The following DCC variants were observed in gnomAD, a reference collection of about 807,000 sequenced individuals.
DCC encodes netrin receptor DCC.
DCC carries 58 observed loss-of-function variants against 172.5 expected under a neutral mutation model. That is an observed-to-expected ratio of 0.34 (90% CI 0.27 to 0.42). The LOEUF (loss-of-function observed/expected upper bound fraction) is 0.42, where lower values mean the gene tolerates loss of function less well. DCC is among the 10% of genes least tolerant of loss of function. The pLI is 1.00. For synonymous variants in DCC, 709 were observed against 644.5 expected, an observed-to-expected ratio of 1.10 and a Z score of -1.52; for missense variants, 1,740 against 1,791.0, an observed-to-expected ratio of 0.97 and a Z score of 0.51.
At chr18:52,454,274 G>C (rs1433249674) in intron 1 of DCC, among the ~76,000 whole-genome samples, 1 of 152,080 alleles carries the variant, frequency 6.6e-6, no homozygotes, top group Non-Finnish European at 1.5e-5. Flanking sequence ...TGGCACATAG[G>C]AGCTGTGAAA....
chr18:52,518,468 A>G (rs901433429), intron 1 of DCC, among the ~76,000 whole-genome samples: 2 of 152,248 alleles, frequency 1.3e-5, no homozygotes, highest in Admixed American at 1.3e-4. Flanking sequence ...AATAGGATAA[A>G]GTGTAAATTA....
intron 20 of DCC, among the ~76,000 whole-genome samples, chr18:53,412,573 C>T (rs1910044915): frequency 6.6e-6 from 1 of 152,156 alleles, no homozygotes; most frequent in Non-Finnish European, 1.5e-5. Flanking sequence ...GCAGAGCATA[C>T]TGTGCTCATC....
At chr18:52,776,748 T>G (rs1418497747) in intron 2 of DCC, among the ~76,000 whole-genome samples, 1 of 152,188 alleles carries the variant, frequency 6.6e-6, no homozygotes, top group Non-Finnish European at 1.5e-5. Context: ...TCCCTGTGAC[T>G]CCTCAACAAA....
At chr18:52,831,644 G>T (rs1308025021) in intron 2 of DCC, among the ~76,000 whole-genome samples, 1 of 152,110 alleles carries the variant, frequency 6.6e-6, no homozygotes, top group African/African-American at 2.4e-5. Context: ...GAAACTAGAG[G>T]GGTGGAATTG....
intron 5 of DCC, among the ~76,000 whole-genome samples, chr18:53,039,483 T>A (rs985048300): frequency 2.6e-5 from 4 of 152,050 alleles, no homozygotes; most frequent in Non-Finnish European, 4.4e-5. Flanking sequence ...CCAACTAGAA[T>A]GTTAAAAGGA....
At chr18:53,500,782 C>T (rs566664593) in intron 27 of DCC, among the ~76,000 whole-genome samples, 1 of 151,904 alleles carries the variant, frequency 6.6e-6, no homozygotes, top group South Asian at 2.1e-4. Flanking sequence ...CACATAGGCT[C>T]AGCACAGGTC....
At chr18:52,836,307 C>T (rs900441457) in intron 2 of DCC, among the ~76,000 whole-genome samples, 2 of 152,214 alleles carry the variant, frequency 1.3e-5, no homozygotes, top group African/African-American at 4.8e-5. Context: ...ATTCAAAACA[C>T]AATCATGCCC....
intron 2 of DCC, among the ~76,000 whole-genome samples, chr18:52,875,488 C>T (rs532259473): frequency 6.6e-6 from 1 of 152,150 alleles, no homozygotes; most frequent in South Asian, 2.1e-4. Context: ...CTAAAAACAC[C>T]AAGAAATAGA....
rs573609384 is a variant in DCC, at chr18:52,438,625, C to G, written c.91+97747C>G. On this transcript the variant is annotated intron_variant, in intron 1 of 28. Transcript: ENST00000442544. ...TATAAACAAGAAACTCTTTAAAAAC[C>G]AATTCTTTATATAGCTTGAGACATA... Among the ~76,000 whole-genome samples, 4 of 152,164 alleles carry G rather than the reference C, an allele frequency of 2.6e-5. No homozygotes were observed. The East Asian group carries it at 7.7e-4, about 29-fold the overall frequency.
intron 7 of DCC, among the ~76,000 whole-genome samples, chr18:53,077,762 G>A (rs1413022090): frequency 2.0e-5 from 3 of 152,124 alleles, no homozygotes; most frequent in Admixed American, 2.0e-4. Context: ...TGTCTACCCA[G>A]GCTTTGTCCA....
intron 7 of DCC, among the ~76,000 whole-genome samples, chr18:53,130,023 C>G (rs1484869825): frequency 6.6e-6 from 1 of 152,092 alleles, no homozygotes; most frequent in African/African-American, 2.4e-5. Flanking sequence ...TGGATTTTAA[C>G]CACTAGTCTT....
intron 16 of DCC, among the ~76,000 whole-genome samples, chr18:53,386,558 G>A (rs571468099): frequency 6.6e-6 from 1 of 152,030 alleles, no homozygotes; most frequent in Admixed American, 6.6e-5. Flanking sequence ...CTCCACACAG[G>A]GTCTTTCAAA....
chr18:52,520,143 C>T (rs886310504), intron 1 of DCC, among the ~76,000 whole-genome samples: 18 of 152,198 alleles, frequency 1.2e-4, no homozygotes, highest in African/African-American at 4.1e-4. Context: ...CCAAGCTGCT[C>T]AGTTCCCAAG....
rs4041362 is a variant in DCC, at chr18:52,796,857, T to G, written c.412+44483T>G. Among the ~76,000 whole-genome samples the G allele has an allele frequency of 6.3e-3, 955 of 152,316 alleles. 11 individuals are homozygous for G. The highest frequency in any genetic ancestry group is 0.01 in the South Asian group (49 of 4,828). ...TTCATCTATCTAGATGTCTATATGT[T>G]TTTCAAGACTTGGGAAGTTTTTAGC... On this transcript the variant is annotated intron_variant, in intron 2 of 28. Transcript: ENST00000442544.
intron 12 of DCC, among the ~76,000 whole-genome samples, chr18:53,257,781 G>C (rs2056540738): frequency 6.6e-6 from 1 of 152,152 alleles, no homozygotes; most frequent in Admixed American, 6.6e-5. Flanking sequence ...ATTTCAGAAG[G>C]AATGGTACCA....
intron 12 of DCC, among the ~76,000 whole-genome samples, chr18:53,257,174 T>A (rs1281834772): frequency 6.6e-5 from 10 of 152,204 alleles, no homozygotes; most frequent in Admixed American, 5.2e-4. Flanking sequence ...ACAATTGGAC[T>A]TCCTCTTTTC....
At chr18:53,392,005 A>G (rs1013093454) in intron 17 of DCC, 118 bp downstream of exon 17, 3 of 701,070 alleles carry the variant, frequency 4.3e-6, no homozygotes, top group Admixed American at 2.0e-5. Context: ...TATGTAGAAA[A>G]ACAAAGCATT....
chr18:52,898,503 G>C (rs575518535), intron 2 of DCC, among the ~76,000 whole-genome samples: 12 of 152,144 alleles, frequency 7.9e-5, no homozygotes, highest in Non-Finnish European at 1.5e-4. Flanking sequence ...GAGAGTACAT[G>C]TCGAAAATAT....
rs536348136 is a variant in DCC at position 53,211,941 on chromosome 18, G to A, written c.1862-3607G>A. Among the ~76,000 whole-genome samples the A allele has an allele frequency of 1.1e-4, 17 of 152,134 alleles. No homozygotes were observed. The East Asian group carries it at 3.1e-3, about 28-fold the overall frequency. On this transcript the variant is annotated intron_variant, in intron 11 of 28. Coordinates refer to ENST00000442544, the MANE Select transcript of DCC (RefSeq NM_005215.4). ...TGCACACCTGTTACCCCAGCTACTC[G>A]GAAGGCTGAGGCAGGAGAATCACTT...
Sources: allele counts gnomAD v4.1 joint callset (sites outside exome capture counted in the v4.1 genomes callset), GRCh38; gene constraint gnomAD v4.1.1; transcripts MANE v1.5; gene names NCBI Gene and HGNC (gene_info 2026-07-23, HGNC 2026-07-21).